The following SPG11 variants were observed in gnomAD, a reference collection of about 807,000 sequenced individuals.
SPG11 encodes spatacsin.
In SPG11, 222 loss-of-function variants were observed where a neutral mutation model predicts 274.0. The ratio of observed to expected loss-of-function variants is 0.81; its 90% CI spans 0.73 to 0.91. SPG11 has a LOEUF of 0.91. Among genes scored for constraint, SPG11 ranks in the 40% least tolerant of loss-of-function variants. SPG11 has a pLI of 0.00. For missense variants in SPG11, 3,114 were observed against 2,872.7 expected, an observed-to-expected ratio of 1.08 and a Z score of -1.92; for synonymous variants, 1,144 against 1,039.7, an observed-to-expected ratio of 1.10 and a Z score of -1.93.
intron 24 of SPG11, among the ~76,000 whole-genome samples, 198 bp from the exon 25 acceptor site, chr15:44,596,553 CAGCT>C (rs2083044030): frequency 6.7e-6 from 1 of 148,864 alleles, no homozygotes; most frequent in Admixed American, 6.8e-5. Flanking sequence ...AAAAGCTTTT[CAGCT>C]CTTCAGTACT....
At chr15:44,586,116 T>C (rs1179693809) in intron 28 of SPG11, among the ~76,000 whole-genome samples, 1 of 150,796 alleles carries the variant, frequency 6.6e-6, no homozygotes, top group Non-Finnish European at 1.5e-5. Flanking sequence ...TCCTGAGTAG[T>C]GGGGACTACA....
In SPG11 at chr15:44,593,638, C is replaced by A. The variant is rs546604734; in HGVS notation, c.4636-1200G>T. 1.5e-4 allele frequency among the ~76,000 whole-genome samples: 23 copies of A among 152,164 alleles called. No individual in the cohort carries two copies. The South Asian group carries it at 4.8e-3, about 32-fold the overall frequency. On this transcript the variant is annotated intron_variant, in intron 26 of 39. Transcript: ENST00000261866. ...GAGTTCTGAATTAGAAAGTATGGCT[C>A]TGAACTGTAAATACACCACTTACTG...
At chr15:44,618,691 G>A (rs1055120677) in intron 15 of SPG11, among the ~76,000 whole-genome samples, 1 of 151,844 alleles carries the variant, frequency 6.6e-6, no homozygotes, top group Non-Finnish European at 1.5e-5. Context: ...GTGGTGGTGG[G>A]TGCCTGTAGT....
intron 4 of SPG11, among the ~76,000 whole-genome samples, chr15:44,655,856 G>A (rs569713769): frequency 1.3e-5 from 2 of 152,230 alleles, no homozygotes; most frequent in South Asian, 4.1e-4. Context: ...GGCCCAGTGA[G>A]GGAGTAATAA....
chr15:44,613,595 A>G (rs1193789943), intron 16 of SPG11, 59 bp from the exon 17 acceptor site: 1 of 1,156,920 alleles, frequency 8.6e-7, no homozygotes, highest in African/African-American at 1.5e-5. Context: ...GACAATTACA[A>G]CCATTTTGCT....
rs1454768655 is a variant in SPG11, at chr15:44,622,324, ATTT to A, written c.2337_2339del (p.Lys779del). 2 of 1,554,756 alleles carry A rather than the reference ATTT, an allele frequency of 1.3e-6. No individual in the cohort carries two copies. Among genetic ancestry groups the A allele is most frequent in the Non-Finnish European group, 1.8e-6 (2 of 1,136,078 alleles). ...TTCTTTTCTCTTTTTCAGAAAAATA[ATTT>A]TTTTCTTTTAAAATTTCAACCTTGA... is the stretch of plus-strand genomic sequence containing the variant. On this transcript the variant is annotated inframe_deletion, in exon 13 of 40. Coordinates refer to ENST00000261866, the MANE Select transcript of SPG11 (RefSeq NM_025137.4).
chr15:44,568,034 G>T (rs1328203765), intron 35 of SPG11, among the ~76,000 whole-genome samples: 1 of 152,186 alleles, frequency 6.6e-6, no homozygotes. Flanking sequence ...AAATAGTCAT[G>T]ATATACTTTG....
intron 7 of SPG11, among the ~76,000 whole-genome samples, chr15:44,641,604 C>CAT (rs2084442404): frequency 6.7e-6 from 1 of 149,120 alleles, no homozygotes; most frequent in African/African-American, 2.5e-5. Context: ...CACACACACA[C>CAT]ACACACACAC....
intron 20 of SPG11, among the ~76,000 whole-genome samples, chr15:44,605,451 A>C (rs1470063460): frequency 2.0e-5 from 3 of 152,222 alleles, no homozygotes; most frequent in Non-Finnish European, 4.4e-5. Context: ...CAGAGGCACC[A>C]CAGGCAACAT....
intron 14 of SPG11, chr15:44,620,608 C>T (rs574703978): frequency 5.6e-5 from 29 of 519,372 alleles, no homozygotes; most frequent in East Asian, 3.8e-4. Context: ...GTGGTGCACT[C>T]GTGGCAGCCT....
At chr15:44,616,400 G>A (rs1206911258) in intron 15 of SPG11, among the ~76,000 whole-genome samples, 1 of 152,004 alleles carries the variant, frequency 6.6e-6, no homozygotes, top group Admixed American at 6.6e-5. Flanking sequence ...CAAGGTCTAT[G>A]TTGTCCAGGC....
At chr15:44,609,153 C>T (rs1372744955) in intron 18 of SPG11, among the ~76,000 whole-genome samples, 1 of 151,598 alleles carries the variant, frequency 6.6e-6, no homozygotes, top group Non-Finnish European at 1.5e-5. Context: ...TTTTTTGAGA[C>T]GGAGTCTCAC....
intron 36 of SPG11, 23 bp downstream of exon 36, chr15:44,567,401 A>G: frequency 6.2e-7 from 1 of 1,604,996 alleles, no homozygotes; most frequent in Non-Finnish European, 8.5e-7. Context: ...CTGTTCTGGT[A>G]GTGTGGCTGT....
Position 44,596,426 on chromosome 15 carries a change from A to G in SPG11, c.4162-71T>C, listed in dbSNP as rs577464390. On this transcript the variant is annotated intron_variant, in intron 24 of 39. Coordinates refer to ENST00000261866, the MANE Select transcript of SPG11 (RefSeq NM_025137.4). Reference sequence around the variant, plus strand: ...TCAGCTGGAGCTGAAAATGTTAGAGAAAAGCATAGACAAAATTATGCTTTC... The same window carrying G: ...TCAGCTGGAGCTGAAAATGTTAGAGGAAAGCATAGACAAAATTATGCTTTC... 33 of 1,552,406 alleles carry G rather than the reference A, an allele frequency of 2.1e-5. No individual in the cohort carries two copies. The East Asian group carries it at 7.2e-4, about 34-fold the overall frequency.
chr15:44,573,813 G>A, intron 31 of SPG11, 68 bp from the exon 32 acceptor site: 4 of 1,437,668 alleles, frequency 2.8e-6, no homozygotes, highest in East Asian at 2.3e-5. Context: ...AGCCCTTTCT[G>A]AAATCTGATG....
chr15:44,637,119 A>C (rs947136347), intron 7 of SPG11, among the ~76,000 whole-genome samples: 3 of 152,048 alleles, frequency 2.0e-5, no homozygotes, highest in African/African-American at 7.3e-5. Flanking sequence ...TAAAAATAAA[A>C]ATTTAAATTA....
Position 44,585,686 on chromosome 15 carries a change from T to C in SPG11, c.5071A>G (p.Arg1691Gly). 1 of 1,567,896 alleles carries C rather than the reference T, an allele frequency of 6.4e-7. No homozygotes were observed. The highest frequency in any genetic ancestry group is 1.4e-5 in the African/African-American group (1 of 73,042). ...GGTAACTCAGCTAATTCTGCTACCC[T>C]CCTGGCCAAAGCGAATTGTCCATCT... ...QTDGQFALAR[R>G]VAELAELPVD... Residue 1691 changes from arginine (R) to glycine (G), a missense_variant, in exon 29 of 40, where the codon AGG becomes GGG. Transcript: ENST00000261866.
chr15:44,564,456 G>T (rs1430211136), intron 39 of SPG11, 91 bp downstream of exon 39: 16 of 1,280,008 alleles, frequency 1.2e-5, no homozygotes, highest in Admixed American at 1.8e-5. Flanking sequence ...TAATCTAAAG[G>T]CATGGTGTAC....
At chr15:44,595,109 G>A (rs2083001051) in intron 26 of SPG11, 150 bp downstream of exon 26, 12 of 792,540 alleles carry the variant, frequency 1.5e-5, no homozygotes, top group South Asian at 1.3e-4. Flanking sequence ...GAGCCACTGC[G>A]CCTGGCCAGT....
Sources: gnomAD v4.1 joint callset for allele counts (sites outside exome capture counted in the v4.1 genomes callset) on GRCh38, gnomAD v4.1.1 for gene constraint, MANE v1.5 for transcripts, NCBI Gene and HGNC (gene_info 2026-07-23, HGNC 2026-07-21) for gene names.